ARHGAP32: variants seen among roughly 807,000 people sequenced by gnomAD.
ARHGAP32 encodes rho GTPase-activating protein 32.
Under a neutral mutation model 186.5 loss-of-function variants are expected in ARHGAP32, and 51 were observed. The observed-to-expected ratio is 0.27, with a 90% confidence interval of 0.22 to 0.35. ARHGAP32 has a LOEUF of 0.35. Ranked by LOEUF, ARHGAP32 falls within the 10% of genes least tolerant of loss-of-function variation. The pLI is 1.00. For synonymous variants in ARHGAP32, 950 were observed against 964.3 expected (o/e 0.99, Z 0.27); for missense variants, 2,186 against 2,623.5 (o/e 0.83, Z 3.64).
chr11:129,141,286 T>A (rs73019125), intron 2 of ARHGAP32, among the ~76,000 whole-genome samples: 1 of 152,254 alleles, frequency 6.6e-6, no homozygotes, highest in Non-Finnish European at 1.5e-5. Context: ...ACTCTCAGCA[T>A]TGCCATAAAA....
intron 12 of ARHGAP32, among the ~76,000 whole-genome samples, chr11:128,997,689 G>A (rs1480532643): frequency 1.3e-5 from 2 of 151,926 alleles, no homozygotes; most frequent in African/African-American, 4.8e-5. Flanking sequence ...AATTTATAAA[G>A]AAAGGAATAT....
chr11:129,098,225 C>A (rs1941788634), intron 5 of ARHGAP32, among the ~76,000 whole-genome samples: 1 of 152,070 alleles, frequency 6.6e-6, no homozygotes, highest in Non-Finnish European at 1.5e-5. Context: ...AACACATACA[C>A]ACAAACACTA....
At chr11:128,986,349 T>C (rs1420611678) in intron 14 of ARHGAP32, among the ~76,000 whole-genome samples, 175 bp downstream of exon 14, 2 of 152,186 alleles carry the variant, frequency 1.3e-5, no homozygotes, top group African/African-American at 4.8e-5. Context: ...AGCACAAGAA[T>C]GACAATGTGA....
intron 11 of ARHGAP32, among the ~76,000 whole-genome samples, chr11:129,009,859 G>C (rs997407818): frequency 1.3e-5 from 2 of 152,150 alleles, no homozygotes. Context: ...GGGTCAAATA[G>C]TATTTCTGCT....
chr11:129,100,108 T>C (rs1309456372), intron 5 of ARHGAP32, among the ~76,000 whole-genome samples: 1 of 152,154 alleles, frequency 6.6e-6, no homozygotes, highest in Non-Finnish European at 1.5e-5. Context: ...AGAGAAGTGG[T>C]AGGGGCAGCA....
chr11:129,007,616 T>C (rs1448567730), intron 11 of ARHGAP32, among the ~76,000 whole-genome samples: 1 of 152,022 alleles, frequency 6.6e-6, no homozygotes. Context: ...TCTTTAATTT[T>C]CCTTCTTCTC....
intron 2 of ARHGAP32, among the ~76,000 whole-genome samples, chr11:129,136,921 C>T (rs186534023): frequency 6.6e-6 from 1 of 151,988 alleles, no homozygotes; most frequent in East Asian, 1.9e-4. Flanking sequence ...TCTTCTTATA[C>T]TGACAAAAGT....
intron 21 of ARHGAP32, 121 bp from the exon 22 acceptor site, chr11:128,973,553 C>A: frequency 9.3e-7 from 1 of 1,076,210 alleles, no homozygotes; most frequent in Non-Finnish European, 1.3e-6. Flanking sequence ...TTCAAAATGG[C>A]AATCCATGAT....
chr11:129,058,786 GT>G (rs1434247130), intron 10 of ARHGAP32, among the ~76,000 whole-genome samples: 1 of 152,244 alleles, frequency 6.6e-6, no homozygotes, highest in Non-Finnish European at 1.5e-5. Context: ...TATTATTTCA[GT>G]TAAACTTGAA....
rs574578552 is a variant in ARHGAP32, at chr11:129,249,599, G to A, written c.-5+29547C>T. 1.2e-4 allele frequency among the ~76,000 whole-genome samples: 19 copies of A among 152,092 alleles called. No homozygotes were observed. The South Asian group carries it at 1.9e-3, about 15-fold the overall frequency. On this transcript the variant is annotated intron_variant, in intron 1 of 6. Coordinates refer to the ARHGAP32 transcript ENST00000525234. ...TTTCTACCACATGAAAATCTATCCC[G>A]AACTGTTTTCCAATATGTGGAATTC...
At chr11:129,086,017 C>CAAAAAAAA (rs60940372) in intron 6 of ARHGAP32, among the ~76,000 whole-genome samples, 2 of 127,926 alleles carry the variant, frequency 1.6e-5, no homozygotes, top group African/African-American at 2.9e-5. Flanking sequence ...AACAAACAAA[C>CAAAAAAAA]AAAAAAAAAA....
intron 6 of ARHGAP32, among the ~76,000 whole-genome samples, chr11:129,070,608 T>C (rs1940837613): frequency 6.6e-6 from 1 of 152,034 alleles, no homozygotes; most frequent in African/African-American, 2.4e-5. Flanking sequence ...TTCTTAGCAT[T>C]AATTCCTAAA....
intron 1 of ARHGAP32, among the ~76,000 whole-genome samples, chr11:129,202,515 GA>G (rs1234732725): frequency 2.0e-5 from 3 of 151,922 alleles, no homozygotes; most frequent in African/African-American, 7.2e-5. Context: ...AATAGAATAT[GA>G]AAAAAAGCAA....
chr11:129,077,354 G>A (rs1227408000), intron 6 of ARHGAP32, among the ~76,000 whole-genome samples: 3 of 152,150 alleles, frequency 2.0e-5, no homozygotes, highest in Non-Finnish European at 4.4e-5. Context: ...GAGGGGTGAA[G>A]CCTGAAAGCC....
intron 6 of ARHGAP32, among the ~76,000 whole-genome samples, chr11:129,088,884 C>G (rs550385838): frequency 1.3e-5 from 2 of 149,422 alleles, no homozygotes; most frequent in Admixed American, 6.8e-5. Flanking sequence ...ACAAAAAGTA[C>G]GAAATTAGCC....
chr11:129,249,118 T>G (rs941478192), intron 1 of ARHGAP32, among the ~76,000 whole-genome samples: 3 of 152,080 alleles, frequency 2.0e-5, no homozygotes. Context: ...CTTTCTAGAA[T>G]TCATTAAGAA....
chr11:129,279,012 T>G (rs1714960274), intron 1 of ARHGAP32: 1 of 146,662 alleles, frequency 6.8e-6, no homozygotes, highest in Admixed American at 6.7e-5. Flanking sequence ...GAGAGGCTCC[T>G]CCGGGAGCAT....
chr11:129,139,355 A>G (rs1943000415), intron 2 of ARHGAP32, among the ~76,000 whole-genome samples: 1 of 152,216 alleles, frequency 6.6e-6, no homozygotes, highest in Non-Finnish European at 1.5e-5. Flanking sequence ...TTCATTTAAC[A>G]TCAACAACAA....
chr11:129,190,053 G>C (rs749193856), intron 1 of ARHGAP32, among the ~76,000 whole-genome samples: 1 of 152,214 alleles, frequency 6.6e-6, no homozygotes, highest in Admixed American at 6.5e-5. Context: ...CAATACGACA[G>C]CTTGATGTCA....
Sources: gnomAD v4.1 joint callset for allele counts (sites outside exome capture counted in the v4.1 genomes callset) on GRCh38, gnomAD v4.1.1 for gene constraint, MANE v1.5 for transcripts, NCBI Gene and HGNC (gene_info 2026-07-23, HGNC 2026-07-21) for gene names.